Variants in CACNA1S observed in about 807,000 individuals in gnomAD.
CACNA1S encodes the protein calcium voltage-gated channel subunit alpha1 S, also known as voltage-dependent L-type calcium channel subunit alpha-1S.
Under a neutral mutation model 207.4 loss-of-function variants are expected in CACNA1S, and 126 were observed. That is an observed-to-expected ratio of 0.61 (90% confidence interval 0.53 to 0.70). The LOEUF (loss-of-function observed/expected upper bound fraction) is 0.70. Among genes scored for constraint, CACNA1S ranks in the 30% least tolerant of loss-of-function variants. The pLI is 0.00. For synonymous variants in CACNA1S, 960 were observed against 932.7 expected, an observed-to-expected ratio of 1.03 and a Z score of -0.53; for missense variants, 2,349 against 2,422.8, an observed-to-expected ratio of 0.97 and a Z score of 0.64.
At position 201,112,206 on chromosome 1, in the gene CACNA1S, A is replaced by T; in HGVS notation, c.134T>A (p.Ile45Asn). ...TLENPLRKAC[I>N]SIVEWKPFET... Reference sequence around the variant, plus strand: ...AGGATACTTCCATTCTACAATGCTGATGCAGGCCTTCCTCAGGGGGTTCTC... The same window carrying T: ...AGGATACTTCCATTCTACAATGCTGTTGCAGGCCTTCCTCAGGGGGTTCTC... Residue 45 changes from isoleucine (I) to asparagine (N), a missense_variant, in exon 1 of 44, where the codon ATC (isoleucine) becomes AAC (asparagine). Coordinates refer to ENST00000362061, the MANE Select transcript of CACNA1S (RefSeq NM_000069.3). The T allele has an allele frequency of 6.2e-7, 1 of 1,613,156 alleles. No homozygotes were observed. The highest frequency in any genetic ancestry group is 8.5e-7 in the Non-Finnish European group (1 of 1,179,678).
chr1:201,068,494 C>T (rs557266419), intron 19 of CACNA1S, among the ~76,000 whole-genome samples: 98 of 150,918 alleles, frequency 6.5e-4, no homozygotes, highest in Non-Finnish European at 8.6e-4. Flanking sequence ...CCGCCCGCCT[C>T]GGCCTCCCAA....
In CACNA1S at chr1:201,091,752, G is replaced by A. The variant is rs1333426227; in HGVS notation, c.582C>T (p.Leu194=). 4 of 1,614,132 alleles carry A rather than the reference G, an allele frequency of 2.5e-6. No homozygotes were observed. Among genetic ancestry groups the A allele is most frequent in the Non-Finnish European group, 3.4e-6 (4 of 1,179,950 alleles). Residue 194 remains leucine, a synonymous_variant, in exon 5 of 44, where the codon CTC becomes CTT. Transcript: ENST00000362061. The part of the protein sequence containing the change: ...VVLNSIFKAM[L]PLFHIALLVL... The stretch of plus-strand genomic sequence containing the variant: ...CCAGCAGGGCGATGTGAAAGAGGGG[G>A]AGCATGGCCTTGAAGATGGAGTTCA...
rs1661275698 is a variant in CACNA1S at position 201,067,114 on chromosome 1, A to G, written c.2551-121T>C. On this transcript the variant is annotated intron_variant, in intron 19 of 43. Coordinates refer to ENST00000362061, the MANE Select transcript of CACNA1S (RefSeq NM_000069.3). ...TTACTGAGGCAATAGCCTTCCAGAA[A>G]TCTCTATATTTCACTCAACTCCTTG... 3 of 726,168 alleles carry G rather than the reference A, an allele frequency of 4.1e-6. No individual in the cohort carries two copies. The Admixed American group carries it at 6.0e-5, about 15-fold the overall frequency. The allele number at this position is 726,168 out of a possible 1,614,324, so 45.0% of individuals were successfully genotyped here.
In CACNA1S at chr1:201,112,407, A is replaced by G. The variant is rs140748567; in HGVS notation, c.-68T>C. 3.2e-3 allele frequency: 5,205 copies of G among 1,608,036 alleles called. 16 individuals carry two copies. The highest frequency in any genetic ancestry group is 0.012 in the African/African-American group (889 of 74,894). On this transcript the variant is annotated 5_prime_UTR_variant, in exon 1 of 44. Transcript: ENST00000362061. ...GTGCTTTCCCTTCCCTGTGTCCCCA[A>G]TGCCCCCGCCTTGGGGACTAGGCTG...
In CACNA1S at chr1:201,040,287, T is replaced by C. The variant is rs1272532610; in HGVS notation, c.5314A>G (p.Thr1772Ala). 6.2e-7 allele frequency: 1 copy of C among 1,613,904 alleles called. No homozygotes were observed. The highest frequency in any genetic ancestry group is 8.5e-7 in the Non-Finnish European group (1 of 1,179,954). Residue 1772 changes from threonine to alanine, a missense_variant, in exon 43 of 44, where the codon ACC becomes GCC. Coordinates refer to ENST00000362061, the MANE Select transcript of CACNA1S (RefSeq NM_000069.3). ...GAGCACCTGGAAGTATTCTCCCTGGTGCTCCTGCTGTGGGGTGTCTCCTCA... is the reference window on the plus strand; with the variant it reads ...GAGCACCTGGAAGTATTCTCCCTGGCGCTCCTGCTGTGGGGTGTCTCCTCA... ...LHEETPHSRS[T>A]RENTSRCSAP...
intron 24 of CACNA1S, 147 bp from the exon 25 acceptor site, chr1:201,061,615 C>T (rs1038663429): frequency 3.3e-5 from 26 of 788,256 alleles, no homozygotes; most frequent in South Asian, 9.0e-5. Context: ...GTTAGGTCGG[C>T]GCCAGGAAAG....
intron 28 of CACNA1S, among the ~76,000 whole-genome samples, chr1:201,057,823 A>C (rs1660899779): frequency 6.6e-6 from 1 of 152,164 alleles, no homozygotes; most frequent in Admixed American, 6.6e-5. Context: ...TTTTTTAAAA[A>C]AGAAGTAGGA....
Position 201,044,379 on chromosome 1 carries a change from C to G in CACNA1S, c.4746G>C (p.Glu1582Asp). ...CCTCCACCATGGCTCTCTCCAGCTC[C>G]TCCTCAGCAGCCAGGTCTCCTGAGA... ...RTVSGDLAAE[E>D]ELERAMVEAA... The change falls in exon 39 of 44, where the codon GAG (glutamate) becomes GAC (aspartate). Residue 1582 changes from glutamate to aspartate, a missense_variant. Coordinates refer to ENST00000362061, the MANE Select transcript of CACNA1S (RefSeq NM_000069.3). 1 of 1,613,832 alleles carries G rather than the reference C, an allele frequency of 6.2e-7. No individual in the cohort carries two copies. Among genetic ancestry groups the G allele is most frequent in the Non-Finnish European group, 8.5e-7 (1 of 1,179,946 alleles).
rs1365620424 is a variant in CACNA1S, at chr1:201,047,156, ACTC to A, written c.4624_4626del (p.Glu1542del). On this transcript the variant is annotated inframe_deletion, in exon 38 of 44. Coordinates refer to ENST00000362061, the MANE Select transcript of CACNA1S (RefSeq NM_000069.3). ...TCCTTCTTGGGCCGATAGCCATAAT[ACTC>A]CTCTTGGCGTTTCATGAACTTCCGG... 3 of 1,613,736 alleles carry A rather than the reference ACTC, an allele frequency of 1.9e-6. No homozygotes were observed. The African/African-American group carries it at 4.0e-5, about 22-fold the overall frequency.
In CACNA1S at chr1:201,066,306, T is replaced by C; in HGVS notation, c.2668A>G (p.Ile890Val). The change falls in exon 21 of 44, where the codon ATC becomes GTC. Residue 890 changes from isoleucine (I) to valine (V), a missense_variant. Transcript: ENST00000362061. The surrounding 1 kb of genome is among the most constrained non-coding windows in gnomAD (Gnocchi z 4.3). ...LISMGLESSA[I>V]SVVKILRVLR... is the part of the protein sequence containing the mutation. The stretch of plus-strand genomic sequence containing the variant: ...ACCCTCAGGATCTTCACCACGGAGA[T>C]GGCACTGGACCTGGGGGGCGGCAAT... 1 of 1,611,498 alleles carries C rather than the reference T, an allele frequency of 6.2e-7. No homozygotes were observed. Among genetic ancestry groups the C allele is most frequent in the Non-Finnish European group, 8.5e-7 (1 of 1,179,914 alleles).
At position 201,062,493 on chromosome 1, in the gene CACNA1S, C is replaced by A; in HGVS notation, c.2875G>T (p.Asp959Tyr). 1 of 1,486,002 alleles carries A rather than the reference C, an allele frequency of 6.7e-7. No homozygotes were observed. The highest frequency in any genetic ancestry group is 9.1e-7 in the Non-Finnish European group (1 of 1,100,486). 92.1% of individuals were successfully genotyped at this position (1,486,002 alleles called of 1,614,324 possible). A position where few individuals can be genotyped will look rare whatever the true frequency, so the allele number is the denominator to read the frequency against. ...LFKGKFFRCT[D>Y]LSKMTEEECR... Reference sequence around the variant, plus strand: ...TCCTCCTCTGTCATCTTGGACAAGTCGGTGCACCTGAAGAACTTCCCCTGC... The same window carrying A: ...TCCTCCTCTGTCATCTTGGACAAGTAGGTGCACCTGAAGAACTTCCCCTGC... The change falls in exon 23 of 44, where the codon GAC (aspartate) becomes TAC (tyrosine). Residue 959 changes from aspartate to tyrosine, a missense_variant. Physicochemically the swap from Asp to Tyr is radical, Grantham distance 160. Transcript: ENST00000362061.
At chr1:201,060,937 A>T (rs2102573913) in intron 25 of CACNA1S, 121 bp from the exon 26 acceptor site, 1 of 1,204,674 alleles carries the variant, frequency 8.3e-7, no homozygotes, top group Middle Eastern at 2.7e-4. Flanking sequence ...GTGGCTGAGG[A>T]CTGTGAACTG....
Position 201,066,750 on chromosome 1 carries a change from C to A in CACNA1S, c.2657+137G>T. 1.4e-6 allele frequency: 1 copy of A among 710,314 alleles called. No individual in the cohort carries two copies. The allele number at this position is 710,314 out of a possible 1,614,324, so 44.0% of individuals were successfully genotyped here. A position where few individuals can be genotyped will look rare whatever the true frequency, so the allele number is the denominator to read the frequency against. On this transcript the variant is annotated intron_variant, in intron 20 of 43. Coordinates refer to ENST00000362061, the MANE Select transcript of CACNA1S (RefSeq NM_000069.3). The surrounding 1 kb of genome is among the most constrained non-coding windows in gnomAD (Gnocchi z 4.3). ...CAGCTGGTGACAACCCACAGGACCCCCTGCCTCCATCGGAGGCCCCGAGAG... is the reference window on the plus strand; with the variant it reads ...CAGCTGGTGACAACCCACAGGACCCACTGCCTCCATCGGAGGCCCCGAGAG...
At chr1:201,042,398 A>C (rs1660282682) in intron 40 of CACNA1S, among the ~76,000 whole-genome samples, 1 of 152,178 alleles carries the variant, frequency 6.6e-6, no homozygotes, top group Non-Finnish European at 1.5e-5. Context: ...TAGGCCTCCC[A>C]AAGTGCTGGG....
rs561153208 is a variant in CACNA1S at position 201,086,688 on chromosome 1, G to A, written c.1005-1107C>T. Among the ~76,000 whole-genome samples the A allele has an allele frequency of 2.0e-5, 3 of 152,358 alleles. No individual in the cohort carries two copies. In the South Asian group the frequency reaches 6.2e-4, roughly 32 times the overall value. The stretch of plus-strand genomic sequence containing the variant: ...GTCATCATGCAGCACATGACTGTAT[G>A]TTAAAATATAGTTATCCATACAAAA... On this transcript the variant is annotated intron_variant, in intron 7 of 43. Transcript: ENST00000362061.
intron 28 of CACNA1S, among the ~76,000 whole-genome samples, chr1:201,055,154 C>T (rs1179601219): frequency 6.6e-6 from 1 of 152,184 alleles, no homozygotes; most frequent in African/African-American, 2.4e-5. Flanking sequence ...CAATTTCTTC[C>T]TGTTTACTCC....
At position 201,053,601 on chromosome 1, in the gene CACNA1S, G is replaced by A; in HGVS notation, c.3667-14C>T. On this transcript the variant is annotated splice_polypyrimidine_tract_variant and intron_variant, in intron 29 of 43. Coordinates refer to ENST00000362061, the MANE Select transcript of CACNA1S (RefSeq NM_000069.3). This position sits in a 1 kb window ranked among gnomAD's most constrained non-coding sequence, Gnocchi z 5.1. The stretch of plus-strand genomic sequence containing the variant: ...CTCATCTGGGTCCTGCGGGGCAGCA[G>A]CCCCAGAGGTCAGTCTGGGGGCAGA... 6.2e-7 allele frequency: 1 copy of A among 1,612,612 alleles called. No individual in the cohort carries two copies. Among genetic ancestry groups the A allele is most frequent in the Non-Finnish European group, 8.5e-7 (1 of 1,179,474 alleles).
chr1:201,084,478 G>T (rs1366670546), intron 9 of CACNA1S, among the ~76,000 whole-genome samples: 2 of 152,204 alleles, frequency 1.3e-5, no homozygotes, highest in Admixed American at 6.5e-5. Context: ...AAAGGAAACA[G>T]CCAACCAAAT....
Position 201,061,431 on chromosome 1 carries a change from C to T in CACNA1S, c.3091G>A (p.Val1031Met), listed in dbSNP as rs777328046. The T allele has an allele frequency of 7.1e-5, 115 of 1,614,088 alleles. No individual in the cohort carries two copies. Among genetic ancestry groups the T allele is most frequent in the Non-Finnish European group, 9.2e-5 (108 of 1,180,032 alleles). Reference sequence around the variant, plus strand: ...ACACGGTTGTTGTAGATGGGACCCACGTCCTCCGCATTGGAGTCTATGGCC... The same window carrying T: ...ACACGGTTGTTGTAGATGGGACCCATGTCCTCCGCATTGGAGTCTATGGCC... ...YKAIDSNAED[V>M]GPIYNNRVEM... Residue 1031 changes from valine (V) to methionine (M), a missense_variant, in exon 25 of 44, where the codon GTG (valine) becomes ATG (methionine). Coordinates refer to ENST00000362061, the MANE Select transcript of CACNA1S (RefSeq NM_000069.3).
Sources: gnomAD v4.1 joint callset for allele counts (sites outside exome capture counted in the v4.1 genomes callset) on GRCh38, gnomAD v4.1.1 for gene constraint, Gnocchi (gnomAD v3.1) non-coding constraint, MANE v1.5 for transcripts, NCBI Gene and HGNC (gene_info 2026-07-23, HGNC 2026-07-21) for gene names.